Variants in ZNF215 observed in about 807,000 individuals in gnomAD.
The protein encoded by ZNF215 is zinc finger protein 215.
A neutral mutation model predicts 27.2 loss-of-function variants in ZNF215; 24 were observed. The observed-to-expected ratio is 0.88, with a 90% CI of 0.64 to 1.24. The LOEUF is 1.24. ZNF215 is among the 50% of genes most tolerant of loss of function. The pLI, the probability that ZNF215 is intolerant of heterozygous loss-of-function variation, is 0.00. For synonymous variants in ZNF215, 210 were observed against 204.0 expected (o/e 1.03, Z -0.25); for missense variants, 675 against 605.7 (o/e 1.11, Z -1.20).
chr11:6,945,852 A>T (rs536804546), intron 6 of ZNF215, among the ~76,000 whole-genome samples: 1 of 152,132 alleles, frequency 6.6e-6, no homozygotes, highest in Non-Finnish European at 1.5e-5. Context: ...CATATATAGG[A>T]TTTACAGATG....
intron 6 of ZNF215, among the ~76,000 whole-genome samples, chr11:6,954,713 T>A (rs1456400654): frequency 6.6e-6 from 1 of 152,168 alleles, no homozygotes; most frequent in Non-Finnish European, 1.5e-5. Flanking sequence ...TCGCCCTGCT[T>A]CGGCTTGCGC....
At chr11:6,977,511 C>T (rs1850857140) in intron 5 of ZNF215, among the ~76,000 whole-genome samples, 1 of 151,906 alleles carries the variant, frequency 6.6e-6, no homozygotes, top group Non-Finnish European at 1.5e-5. Context: ...GAGATAGGGC[C>T]TTTAAAGAGA....
At position 6,955,899 on chromosome 11, in the gene ZNF215, A is replaced by T. The variant is rs1165249523; in HGVS notation, c.922A>T (p.Lys308Ter). 6.2e-7 allele frequency: 1 copy of T among 1,610,698 alleles called. No homozygotes were observed. Among genetic ancestry groups the T allele is most frequent in the Non-Finnish European group, 8.5e-7 (1 of 1,179,132 alleles). The part of the protein sequence containing the change: ...EEDFECSENK[K>*]SFDINSVSSI... ...AGATTTTGAATGTAGTGAAAATAAG[A>T]AAAGCTTTGATATTAATTCAGTTAG... Residue 308 changes from lysine to a stop codon, truncating the protein, a stop_gained, in exon 7 of 7, where the codon AAA becomes TAA. Coordinates refer to ENST00000278319, the MANE Select transcript of ZNF215 (RefSeq NM_013250.4). LOFTEE classifies it low-confidence loss of function (END_TRUNC).
intron 5 of ZNF215, among the ~76,000 whole-genome samples, chr11:6,964,910 A>G (rs1209058495): frequency 3.9e-5 from 6 of 152,106 alleles, no homozygotes; most frequent in African/African-American, 1.4e-4. Context: ...GTGCCCAAGT[A>G]ACAATCTAAG....
chr11:6,972,701 C>G (rs1850741802), intron 5 of ZNF215, among the ~76,000 whole-genome samples: 1 of 152,116 alleles, frequency 6.6e-6, no homozygotes, highest in Non-Finnish European at 1.5e-5. Context: ...CAGAAATCTT[C>G]CCTGGCAAAT....
Position 6,956,689 on chromosome 11 carries a change from A to G in ZNF215, c.*158A>G. On this transcript the variant is annotated 3_prime_UTR_variant, in exon 7 of 7. Transcript: ENST00000278319. ...AGAATTAATGTTGGATAGAAATATC[A>G]TTGGATAGAAATCTGTTTGAAGGAA... 2 of 1,386,632 alleles carry G rather than the reference A, an allele frequency of 1.4e-6. No individual in the cohort carries two copies. Among genetic ancestry groups the G allele is most frequent in the East Asian group, 2.7e-5 (1 of 37,696 alleles). The allele number at this position is 1,386,632 out of a possible 1,614,324, so 85.9% of individuals were successfully genotyped here. A position where few individuals can be genotyped will look rare whatever the true frequency, so the allele number is the denominator to read the frequency against.
chr11:6,950,014 G>C lies in ZNF215; in HGVS notation c.713-5676G>C, dbSNP rs1288159323. Among the ~76,000 whole-genome samples, 1,141 of 151,740 alleles carry C rather than the reference G, an allele frequency of 7.5e-3. 9 individuals are homozygous for C. Among genetic ancestry groups the C allele is most frequent in the Non-Finnish European group, 9.2e-3 (622 of 67,812 alleles). ...AATCCTTTCCCCATTGCTTGTTTTT[G>C]TCAGGTTTGTCAAAGATCAGATAGT... On this transcript the variant is annotated intron_variant, in intron 6 of 6. Coordinates refer to ENST00000278319, the MANE Select transcript of ZNF215 (RefSeq NM_013250.4).
intron 3 of ZNF215, among the ~76,000 whole-genome samples, chr11:6,936,917 A>G (rs550211881): frequency 3.6e-4 from 54 of 151,834 alleles, no homozygotes; most frequent in African/African-American, 1.2e-3. Context: ...CTAGAAGTGA[A>G]CTCACTCAGC....
chr11:6,929,480 C>T (rs1476529132), intron 2 of ZNF215, among the ~76,000 whole-genome samples: 1 of 152,118 alleles, frequency 6.6e-6, no homozygotes, highest in Non-Finnish European at 1.5e-5. Context: ...GTCATGCCCC[C>T]TTAGGCTTCT....
downstream of ZNF215, among the ~76,000 whole-genome samples, chr11:6,989,152 A>C (rs376498788): frequency 8.0e-5 from 6 of 74,558 alleles, no homozygotes; most frequent in African/African-American, 4.7e-4. Context: ...ATCCGTCTCA[A>C]AAAAAAAAAA....
At chr11:6,943,758 T>A in intron 6 of ZNF215, 117 bp downstream of exon 6, 1 of 791,138 alleles carries the variant, frequency 1.3e-6, no homozygotes, top group Non-Finnish European at 2.1e-6. Context: ...AAACCTAAAC[T>A]TTGAGGGGGA....
downstream of ZNF215, among the ~76,000 whole-genome samples, chr11:6,962,694 T>C (rs2133320707): frequency 6.6e-6 from 1 of 152,230 alleles, no homozygotes; most frequent in East Asian, 1.9e-4. Context: ...CAACATCTGT[T>C]GGGATTTGTT....
intron 6 of ZNF215, among the ~76,000 whole-genome samples, chr11:6,948,853 C>G (rs1849928528): frequency 6.6e-6 from 1 of 150,636 alleles, no homozygotes; most frequent in African/African-American, 2.4e-5. Context: ...CACCCATTAA[C>G]TCGTCATTTA....
At chr11:6,931,434 G>A (rs1849255863) in intron 2 of ZNF215, among the ~76,000 whole-genome samples, 1 of 152,054 alleles carries the variant, frequency 6.6e-6, no homozygotes, top group African/African-American at 2.4e-5. Context: ...GTTGTTTTTT[G>A]CCTTCTGAGT....
intron 6 of ZNF215, among the ~76,000 whole-genome samples, chr11:6,951,181 G>C (rs989105739): frequency 6.6e-6 from 1 of 152,132 alleles, no homozygotes; most frequent in Admixed American, 6.5e-5. Context: ...CAAGGATATT[G>C]GTCTAAAATT....
chr11:6,975,326 A>G (rs1850808781), intron 5 of ZNF215, among the ~76,000 whole-genome samples: 1 of 152,016 alleles, frequency 6.6e-6, no homozygotes, highest in African/African-American at 2.4e-5. Flanking sequence ...CATGCAATGT[A>G]AAATCACATC....
At chr11:6,979,845 G>A (rs984121337) in intron 5 of ZNF215, among the ~76,000 whole-genome samples, 12 of 152,020 alleles carry the variant, frequency 7.9e-5, no homozygotes, top group African/African-American at 2.9e-4. Flanking sequence ...GGGGATGGGG[G>A]CAAGAAAATA....
intron 6 of ZNF215, among the ~76,000 whole-genome samples, chr11:6,944,381 C>T (rs1298242163): frequency 1.3e-5 from 2 of 148,698 alleles, no homozygotes; most frequent in African/African-American, 4.9e-5. Context: ...TTCTAGTAAT[C>T]TTCCATTTTT....
At chr11:6,930,458 C>G (rs1343370996) in intron 2 of ZNF215, among the ~76,000 whole-genome samples, 1 of 152,200 alleles carries the variant, frequency 6.6e-6, no homozygotes, top group Non-Finnish European at 1.5e-5. Context: ...TTCTAGTCTC[C>G]TTCCCTTGGT....
Sources: allele counts gnomAD v4.1 joint callset (sites outside exome capture counted in the v4.1 genomes callset), GRCh38; gene constraint gnomAD v4.1.1; transcripts MANE v1.5; gene names NCBI Gene and HGNC (gene_info 2026-07-23, HGNC 2026-07-21).